FAM184A: variants seen among roughly 807,000 people sequenced by gnomAD.
FAM184A encodes the protein family with sequence similarity 184 member A, also known as protein FAM184A.
In FAM184A, 99 loss-of-function variants were observed where a neutral mutation model predicts 143.8. The observed-to-expected ratio is 0.69, with a 90% CI of 0.58 to 0.81. FAM184A has a LOEUF of 0.81. Among genes scored for constraint, FAM184A ranks in the 40% least tolerant of loss-of-function variants. The pLI is 0.00. For synonymous variants in FAM184A, 427 were observed against 446.4 expected (o/e 0.96, Z 0.55); for missense variants, 1,217 against 1,310.5 (o/e 0.93, Z 1.10).
chr6:118,961,424 T>C (rs1292330954), intron 17 of FAM184A, among the ~76,000 whole-genome samples: 1 of 151,306 alleles, frequency 6.6e-6, no homozygotes, highest in Non-Finnish European at 1.5e-5. Context: ...AAAAAATTAT[T>C]TTAAAGTTCT....
chr6:118,986,470 T>C (rs888616786), intron 9 of FAM184A, among the ~76,000 whole-genome samples: 2 of 152,082 alleles, frequency 1.3e-5, no homozygotes, highest in African/African-American at 4.8e-5. Context: ...ACAGAGGGAG[T>C]GGGCAGGTGC....
chr6:118,973,299 G>A (rs1349604089), intron 14 of FAM184A, among the ~76,000 whole-genome samples: 2 of 152,114 alleles, frequency 1.3e-5, no homozygotes, highest in African/African-American at 2.4e-5. Flanking sequence ...AATCTTTACC[G>A]AAAGATTGAA....
chr6:119,052,045 G>A (rs951219452), intron 1 of FAM184A, among the ~76,000 whole-genome samples: 1 of 152,158 alleles, frequency 6.6e-6, no homozygotes, highest in African/African-American at 2.4e-5. Context: ...ATCTCCTGAG[G>A]TACGACTGCA....
At chr6:118,989,261 C>A (rs1049211680) in intron 9 of FAM184A, among the ~76,000 whole-genome samples, 1 of 151,636 alleles carries the variant, frequency 6.6e-6, no homozygotes, top group African/African-American at 2.4e-5. Flanking sequence ...CGCGCCCAGC[C>A]TGGACATGAT....
At chr6:119,103,622 A>T (rs1788699347) in intron 1 of FAM184A, among the ~76,000 whole-genome samples, 1 of 149,010 alleles carries the variant, frequency 6.7e-6, no homozygotes, top group Admixed American at 6.9e-5. Flanking sequence ...GGAAAACAAA[A>T]TATTTTTAAA....
At chr6:118,972,369 C>T (rs1783721897) in intron 14 of FAM184A, among the ~76,000 whole-genome samples, 1 of 152,154 alleles carries the variant, frequency 6.6e-6, no homozygotes, top group Non-Finnish European at 1.5e-5. Context: ...AAAACATTTT[C>T]ATTATCACAA....
intron 1 of FAM184A, chr6:119,069,272 T>A (rs564056319): frequency 5.7e-6 from 1 of 176,188 alleles, no homozygotes; most frequent in Non-Finnish European, 1.3e-5. Flanking sequence ...CTAAGTATAT[T>A]TTATTACTCT....
At chr6:119,146,395 TAC>T (rs1459689255) in intron 1 of FAM184A, among the ~76,000 whole-genome samples, 4 of 122,382 alleles carry the variant, frequency 3.3e-5, no homozygotes, top group Non-Finnish European at 6.6e-5. Flanking sequence ...CCGATTAACT[TAC>T]GTGTGTGTGT....
At chr6:119,148,713 G>A (rs1772539913) in intron 1 of FAM184A, among the ~76,000 whole-genome samples, 1 of 152,090 alleles carries the variant, frequency 6.6e-6, no homozygotes. Flanking sequence ...AGATTGAGAA[G>A]TGGCCACATG....
chr6:119,003,523 T>C lies in FAM184A; in HGVS notation c.1915A>G (p.Ile639Val). ...KVDKMAHDLE[I>V]KWTENLRQEC... ...TACCTAAGATTTTCAGTCCACTTAA[T>C]TTCTAAGTCATGGGCCATTTTGTCC... The change falls in exon 8 of 18, where the codon ATT (isoleucine) becomes GTT (valine). Residue 639 changes from isoleucine (I) to valine (V), a missense_variant. Coordinates refer to ENST00000338891, the MANE Select transcript of FAM184A (RefSeq NM_024581.6). 6.2e-7 allele frequency: 1 copy of C among 1,612,344 alleles called. No individual in the cohort carries two copies. The highest frequency in any genetic ancestry group is 8.5e-7 in the Non-Finnish European group (1 of 1,179,286).
At chr6:119,047,589 C>T (rs1190437813) in intron 1 of FAM184A, among the ~76,000 whole-genome samples, 1 of 152,182 alleles carries the variant, frequency 6.6e-6, no homozygotes, top group Non-Finnish European at 1.5e-5. Flanking sequence ...TCAGAAACTA[C>T]TACGAACACC....
intron 1 of FAM184A, among the ~76,000 whole-genome samples, chr6:119,031,700 T>C (rs1024088872): frequency 6.6e-6 from 1 of 152,236 alleles, no homozygotes; most frequent in African/African-American, 2.4e-5. Context: ...TAAAGTGATA[T>C]ATATTAGCTT....
chr6:119,120,074 T>C (rs1789170075), intron 1 of FAM184A, among the ~76,000 whole-genome samples: 1 of 152,232 alleles, frequency 6.6e-6, no homozygotes, highest in Non-Finnish European at 1.5e-5. Flanking sequence ...CAGTTGTTTT[T>C]AGCATATTCA....
intron 1 of FAM184A, among the ~76,000 whole-genome samples, chr6:119,040,011 G>C (rs574726540): frequency 6.6e-6 from 1 of 152,290 alleles, no homozygotes; most frequent in South Asian, 2.1e-4. Context: ...AAAAATCATG[G>C]GAAAAAGGTG....
chr6:118,960,020 T>C lies in FAM184A; in HGVS notation c.*83A>G, dbSNP rs1783267961. ...ACTTTCTCATTCACAGTGTTTGACA[T>C]AGGAAAGCCTATTTACATAACAATC... On this transcript the variant is annotated 3_prime_UTR_variant, in exon 18 of 18. Transcript: ENST00000338891. 3.8e-6 allele frequency: 4 copies of C among 1,053,144 alleles called. No individual in the cohort carries two copies. Among genetic ancestry groups the C allele is most frequent in the Admixed American group, 4.8e-5 (2 of 41,278 alleles). The allele number at this position is 1,053,144 out of a possible 1,614,324, so 65.2% of individuals were successfully genotyped here.
intron 3 of FAM184A, among the ~76,000 whole-genome samples, chr6:119,022,053 C>CTTTTTTTTTTT (rs34128659): frequency 7.1e-5 from 6 of 84,392 alleles, no homozygotes; most frequent in Non-Finnish European, 8.7e-5. Flanking sequence ...TTCGTTCTTT[C>CTTTTTTTTTTT]TTTTTTTTTT....
upstream of FAM184A, among the ~76,000 whole-genome samples, chr6:119,081,017 C>T (rs986666403): frequency 1.1e-4 from 17 of 152,082 alleles, no homozygotes; most frequent in Middle Eastern, 3.4e-3. Flanking sequence ...GGAAAGAGAG[C>T]GGGGAGGTGC....
intron 1 of FAM184A, among the ~76,000 whole-genome samples, chr6:119,087,689 G>T (rs913465426): frequency 6.6e-6 from 1 of 152,236 alleles, no homozygotes; most frequent in African/African-American, 2.4e-5. Context: ...AAAACAGTAT[G>T]CTGGTTCCTC....
At chr6:119,091,853 C>T (rs947859919) in intron 1 of FAM184A, among the ~76,000 whole-genome samples, 30 of 152,304 alleles carry the variant, frequency 2.0e-4, no homozygotes, top group African/African-American at 7.0e-4. Flanking sequence ...TTTGTAGATA[C>T]AGTAGCTATG....
Sources: gnomAD v4.1 joint callset for allele counts (sites outside exome capture counted in the v4.1 genomes callset) on GRCh38, gnomAD v4.1.1 for gene constraint, MANE v1.5 for transcripts, NCBI Gene and HGNC (gene_info 2026-07-23, HGNC 2026-07-21) for gene names.